The following MRAS variants were observed in gnomAD, a reference collection of about 807,000 sequenced individuals.
MRAS encodes the protein ras-related protein M-Ras.
A neutral mutation model predicts 20.9 loss-of-function variants in MRAS; 4 were observed. The ratio of observed to expected loss-of-function variants is 0.19; its 90% CI spans 0.09 to 0.44. The LOEUF (loss-of-function observed/expected upper bound fraction) is 0.44, where lower values mean the gene tolerates loss of function less well. Among genes scored for constraint, MRAS ranks in the 20% least tolerant of loss-of-function variants. MRAS has a pLI of 0.99. For missense variants in MRAS, 154 were observed against 277.5 expected, an observed-to-expected ratio of 0.56 and a Z score of 3.16; for synonymous variants, 98 against 102.9, an observed-to-expected ratio of 0.95 and a Z score of 0.29.
At chr3:138,348,202 A>C (rs771908767), upstream of MRAS, 2 of 152,218 alleles carry the variant, frequency 1.3e-5, no homozygotes, top group Non-Finnish European at 2.9e-5. Flanking sequence ...CTAGGCTCAG[A>C]AGTTGGCCCG....
At chr3:138,363,563 C>G (rs2054494875) in intron 1 of MRAS, among the ~76,000 whole-genome samples, 1 of 152,108 alleles carries the variant, frequency 6.6e-6, no homozygotes, top group Admixed American at 6.6e-5. Flanking sequence ...CAGGCTGGGG[C>G]TGGGCTCAGG....
chr3:138,395,373 C>A (rs921785582), intron 2 of MRAS, among the ~76,000 whole-genome samples: 6 of 152,080 alleles, frequency 3.9e-5, no homozygotes, highest in Non-Finnish European at 8.8e-5. Context: ...TCTCCAGTGG[C>A]CCCAGTCTTG....
chr3:138,372,831 C>T, intron 1 of MRAS, 35 bp from the exon 2 acceptor site: 2 of 1,388,536 alleles, frequency 1.4e-6, no homozygotes, highest in Non-Finnish European at 1.9e-6. Context: ...GTTAAAAAAG[C>T]CCTCTGTCTC....
At chr3:138,364,718 T>C (rs2054525209) in intron 1 of MRAS, among the ~76,000 whole-genome samples, 1 of 152,226 alleles carries the variant, frequency 6.6e-6, no homozygotes, top group Non-Finnish European at 1.5e-5. Context: ...GGCGGAGGGC[T>C]ACCTGCTGGT....
intron 1 of MRAS, among the ~76,000 whole-genome samples, chr3:138,351,480 C>T (rs1043687968): frequency 3.3e-5 from 5 of 152,150 alleles, no homozygotes; most frequent in Non-Finnish European, 5.9e-5. Context: ...GGCAGGTACC[C>T]ATTGTCTAGG....
At chr3:138,377,485 T>G (rs2054808984) in intron 2 of MRAS, among the ~76,000 whole-genome samples, 1 of 152,186 alleles carries the variant, frequency 6.6e-6, no homozygotes, top group Admixed American at 6.5e-5. Flanking sequence ...GCGCCTGTCA[T>G]CTCAGCTACT....
intron 2 of MRAS, among the ~76,000 whole-genome samples, chr3:138,389,231 C>A (rs1222071875): frequency 6.6e-6 from 1 of 152,024 alleles, no homozygotes; most frequent in African/African-American, 2.4e-5. Context: ...CTGTAGAGTG[C>A]AGATGATGCA....
intron 1 of MRAS, among the ~76,000 whole-genome samples, chr3:138,360,798 G>A (rs1020345544): frequency 6.6e-6 from 1 of 152,194 alleles, no homozygotes. Context: ...GCAGAAAGCT[G>A]TGCCAGGGCT....
intron 2 of MRAS, among the ~76,000 whole-genome samples, chr3:138,379,710 T>C (rs1390853461): frequency 6.6e-6 from 1 of 152,244 alleles, no homozygotes; most frequent in Non-Finnish European, 1.5e-5. Context: ...TGCTACATTT[T>C]CTTTATCATT....
intron 2 of MRAS, among the ~76,000 whole-genome samples, chr3:138,391,270 T>C (rs2055127407): frequency 6.6e-6 from 1 of 152,260 alleles, no homozygotes. Flanking sequence ...TAAGTACCAC[T>C]TTGGCCTTAA....
chr3:138,401,135 GTA>G (rs749766965), intron 5 of MRAS, among the ~76,000 whole-genome samples: 19 of 152,190 alleles, frequency 1.2e-4, no homozygotes, highest in Admixed American at 2.6e-4. Context: ...AAAGTTTCTT[GTA>G]TATTCCTTTG....
intron 1 of MRAS, among the ~76,000 whole-genome samples, chr3:138,356,894 C>T (rs532366101): frequency 1.1e-4 from 16 of 152,328 alleles, no homozygotes; most frequent in Admixed American, 4.6e-4. Flanking sequence ...CTCACTGACC[C>T]CGTCCCCCCG....
intron 2 of MRAS, among the ~76,000 whole-genome samples, chr3:138,390,450 C>T (rs751221553): frequency 2.6e-5 from 4 of 152,190 alleles, no homozygotes; most frequent in African/African-American, 4.8e-5. Context: ...CTCTCACAAA[C>T]GCACACGCAC....
intron 1 of MRAS, among the ~76,000 whole-genome samples, chr3:138,365,243 T>A (rs1017583586): frequency 5.9e-5 from 9 of 152,240 alleles, no homozygotes; most frequent in Non-Finnish European, 8.8e-5. Context: ...TTCCTATTGC[T>A]TTTAACGTGA....
intron 1 of MRAS, among the ~76,000 whole-genome samples, chr3:138,367,740 T>C (rs2054590476): frequency 6.6e-6 from 1 of 152,168 alleles, no homozygotes; most frequent in Non-Finnish European, 1.5e-5. Flanking sequence ...GGCAAAGGAA[T>C]GAGAGGATGT....
chr3:138,366,330 G>A (rs1466790287), intron 1 of MRAS, among the ~76,000 whole-genome samples: 1 of 152,216 alleles, frequency 6.6e-6, no homozygotes, highest in Admixed American at 6.5e-5. Context: ...AGCTCAACGT[G>A]AATGAAAGTC....
intron 2 of MRAS, among the ~76,000 whole-genome samples, chr3:138,386,778 C>T (rs1022422911): frequency 5.3e-5 from 8 of 152,168 alleles, no homozygotes; most frequent in African/African-American, 1.7e-4. Flanking sequence ...CCACCGCGTT[C>T]GGCCATATAC....
chr3:138,373,187 G>A, intron 2 of MRAS, 111 bp downstream of exon 2: 1 of 1,020,132 alleles, frequency 9.8e-7, no homozygotes, highest in Non-Finnish European at 1.3e-6. Flanking sequence ...TGCTGTTATG[G>A]GATGGTTGAT....
intron 4 of MRAS, among the ~76,000 whole-genome samples, chr3:138,398,949 G>C (rs976606617): frequency 6.6e-6 from 1 of 152,216 alleles, no homozygotes; most frequent in African/African-American, 2.4e-5. Context: ...AGCTTGAGCT[G>C]CGGTGCCTTC....
Sources: allele counts gnomAD v4.1 joint callset (sites outside exome capture counted in the v4.1 genomes callset), GRCh38; gene constraint gnomAD v4.1.1; transcripts MANE v1.5; gene names NCBI Gene and HGNC (gene_info 2026-07-23, HGNC 2026-07-21).